The following HK1 variants were observed in gnomAD, a reference collection of about 807,000 sequenced individuals.
HK1 encodes hexokinase 1, also known as hexokinase-1.
Under a neutral mutation model 91.6 loss-of-function variants are expected in HK1, and 28 were observed. That is an observed-to-expected ratio of 0.31 (90% CI 0.23 to 0.42). HK1 has a LOEUF of 0.42. Among genes scored for constraint, HK1 ranks in the 10% least tolerant of loss-of-function variants. The pLI, the probability that HK1 is intolerant of heterozygous loss-of-function variation, is 1.00. For missense variants in HK1, 770 were observed against 1,219.8 expected (o/e 0.63, Z 5.49); for synonymous variants, 430 against 468.1 (o/e 0.92, Z 1.05).
At chr10:69,335,689 G>A (rs1847943135) in intron 1 of HK1, among the ~76,000 whole-genome samples, 1 of 152,234 alleles carries the variant, frequency 6.6e-6, no homozygotes, top group Non-Finnish European at 1.5e-5. Flanking sequence ...GATGCTGTAA[G>A]GACCAACAGG....
chr10:69,383,398 T>C (rs1204533286), intron 10 of HK1, among the ~76,000 whole-genome samples: 2 of 152,260 alleles, frequency 1.3e-5, no homozygotes, highest in East Asian at 3.8e-4. Flanking sequence ...TTGGTAGTTT[T>C]CACTGGAGCT....
At chr10:69,341,251 T>TC (rs149028632) in intron 1 of HK1, among the ~76,000 whole-genome samples, 5,383 of 151,952 alleles carry the variant, frequency 0.035, 318 homozygotes, top group African/African-American at 0.12. Context: ...AACCTCTGCT[T>TC]CCCCAGCTCA....
chr10:69,318,944 C>T lies in HK1; in HGVS notation c.-4C>T, dbSNP rs1027259524. 3.8e-6 allele frequency: 6 copies of T among 1,592,002 alleles called. No homozygotes were observed. The highest frequency in any genetic ancestry group is 4.3e-6 in the Non-Finnish European group (5 of 1,170,652). ...CCTGCCGCCCCGCGACCCCGACCGCCAGCATGATCGCCGCGCAGCTCCTGG... is the reference window on the plus strand; with the variant it reads ...CCTGCCGCCCCGCGACCCCGACCGCTAGCATGATCGCCGCGCAGCTCCTGG... On this transcript the variant is annotated 5_prime_UTR_variant, in exon 1 of 18. Coordinates refer to ENST00000359426, the MANE Select transcript of HK1 (RefSeq NM_000188.3).
intron 5 of HK1, among the ~76,000 whole-genome samples, chr10:69,306,082 C>T (rs10823337): frequency 0.87 from 132,733 of 151,698 alleles, 58,430 homozygotes; most frequent in East Asian, 0.99. Flanking sequence ...TGGGGCTGGG[C>T]ACGGTGGCTC....
intron 1 of HK1, chr10:69,338,816 A>G: frequency 1.3e-6 from 1 of 773,408 alleles, no homozygotes; most frequent in Non-Finnish European, 1.8e-6. Context: ...GGGAAAAGGA[A>G]GGAGGAGAGT....
At chr10:69,293,308 G>A (rs558305529) in intron 3 of HK1, among the ~76,000 whole-genome samples, 64 of 152,312 alleles carry the variant, frequency 4.2e-4, no homozygotes, top group Middle Eastern at 6.8e-3. Context: ...GAGGTTCCCA[G>A]CCTCAGTTCA....
chr10:69,397,781 C>T (rs534526835), intron 16 of HK1, among the ~76,000 whole-genome samples: 20 of 151,986 alleles, frequency 1.3e-4, no homozygotes, highest in African/African-American at 4.1e-4. Flanking sequence ...ATAAATAAGA[C>T]AAATATATCA....
chr10:69,276,118 A>AAAAAAATATATATATAT, intron 1 of HK1, among the ~76,000 whole-genome samples: 32 of 38,270 alleles, frequency 8.4e-4, no homozygotes, highest in Non-Finnish European at 1.4e-3. Flanking sequence ...AAAAAAAAAA[A>AAAAAAATATATATATAT]ATACATATAT....
chr10:69,399,194 G>A (rs1840278018), intron 17 of HK1, among the ~76,000 whole-genome samples: 1 of 152,144 alleles, frequency 6.6e-6, no homozygotes, highest in African/African-American at 2.4e-5. Context: ...AGGCTCTGTT[G>A]GGTAAGTGGG....
intron 1 of HK1, among the ~76,000 whole-genome samples, chr10:69,340,223 G>A (rs1848220681): frequency 6.6e-6 from 1 of 152,174 alleles, no homozygotes; most frequent in Non-Finnish European, 1.5e-5. Flanking sequence ...TGCTGGAGTA[G>A]CAATGTACCT....
intron 3 of HK1, chr10:69,295,541 G>C (rs977475566): frequency 2.7e-5 from 23 of 862,596 alleles, no homozygotes; most frequent in South Asian, 2.2e-4. Context: ...TGTTTTCTGA[G>C]CGTGATTGAT....
intron 1 of HK1, among the ~76,000 whole-genome samples, chr10:69,334,023 A>C (rs1470705505): frequency 6.6e-6 from 1 of 152,242 alleles, no homozygotes; most frequent in East Asian, 1.9e-4. Context: ...AGGCAGGAGA[A>C]TCGCTTGAAC....
At chr10:69,364,436 G>A (rs1053107539) in intron 3 of HK1, among the ~76,000 whole-genome samples, 6 of 152,110 alleles carry the variant, frequency 3.9e-5, no homozygotes, top group African/African-American at 9.7e-5. Flanking sequence ...GTGGAGATCC[G>A]TGACCTGTGT....
intron 4 of HK1, among the ~76,000 whole-genome samples, chr10:69,298,618 C>A (rs1401937268): frequency 7.4e-6 from 1 of 134,270 alleles, no homozygotes; most frequent in Non-Finnish European, 1.6e-5. Flanking sequence ...ACAGTGAGAC[C>A]CTGTCTCTTA....
chr10:69,296,366 G>C (rs10762280), intron 4 of HK1: 122,893 of 152,684 alleles, frequency 0.8, 49,930 homozygotes, highest in Non-Finnish European at 0.87. Flanking sequence ...TCCCAGGTGA[G>C]GGCCAAAGCT....
chr10:69,272,421 A>G (rs1190979858), intron 1 of HK1, among the ~76,000 whole-genome samples: 1 of 152,194 alleles, frequency 6.6e-6, no homozygotes, highest in African/African-American at 2.4e-5. Flanking sequence ...TAGATGGCAG[A>G]TCTAAGCAAT....
intron 17 of HK1, among the ~76,000 whole-genome samples, chr10:69,399,301 G>A (rs530308004): frequency 6.6e-6 from 1 of 152,302 alleles, no homozygotes; most frequent in South Asian, 2.1e-4. Context: ...CTTCAGTCCA[G>A]GAGTTTGAGA....
At chr10:69,299,582 G>A (rs1476535375) in intron 4 of HK1, among the ~76,000 whole-genome samples, 1 of 151,488 alleles carries the variant, frequency 6.6e-6, no homozygotes. Flanking sequence ...GGTTAAGTTG[G>A]TCTCGAACTC....
chr10:69,276,106 AAAAAAAAAAAAAATAC>A (rs1564746689), intron 1 of HK1, among the ~76,000 whole-genome samples: 13 of 45,806 alleles, frequency 2.8e-4, no homozygotes, highest in African/African-American at 5.1e-4. Flanking sequence ...AAAAAAAAAA[AAAAAAAAAAAAAATAC>A]ATATATATAT....
Sources: gnomAD v4.1 joint callset for allele counts (sites outside exome capture counted in the v4.1 genomes callset) on GRCh38, gnomAD v4.1.1 for gene constraint, MANE v1.5 for transcripts, NCBI Gene and HGNC (gene_info 2026-07-23, HGNC 2026-07-21) for gene names.